The following ATP9B variants were observed in gnomAD, a reference collection of about 807,000 sequenced individuals.
ATP9B encodes probable phospholipid-transporting ATPase IIB.
Under a neutral mutation model 146.1 loss-of-function variants are expected in ATP9B, and 110 were observed. The ratio of observed to expected loss-of-function variants is 0.75; its 90% CI spans 0.65 to 0.88. The LOEUF is 0.88. Among genes scored for constraint, ATP9B ranks in the 40% least tolerant of loss-of-function variants. ATP9B has a pLI of 0.00. For synonymous variants in ATP9B, 604 were observed against 569.7 expected (o/e 1.06, Z -0.86); for missense variants, 1,499 against 1,496.4 (o/e 1.00, Z -0.03).
At chr18:79,330,146 A>G in intron 17 of ATP9B, 42 bp downstream of exon 17, 5 of 1,558,740 alleles carry the variant, frequency 3.2e-6, no homozygotes, top group Non-Finnish European at 4.4e-6. Flanking sequence ...GTTTCTATGG[A>G]AGAGGAGGTA....
intron 5 of ATP9B, among the ~76,000 whole-genome samples, chr18:79,137,320 A>C (rs560876063): frequency 1.3e-5 from 2 of 152,062 alleles, no homozygotes; most frequent in African/African-American, 4.8e-5. Context: ...GCTTCTTTGC[A>C]TGCCTATTAA....
At chr18:79,341,447 G>A (rs113412328) in intron 19 of ATP9B, among the ~76,000 whole-genome samples, 2 of 32,826 alleles carry the variant, frequency 6.1e-5, no homozygotes, top group East Asian at 1.0e-3. Flanking sequence ...TGTGTGTAGC[G>A]TGACCTCGTT....
intron 13 of ATP9B, among the ~76,000 whole-genome samples, chr18:79,290,410 C>A (rs1478631335): frequency 2.0e-5 from 3 of 152,186 alleles, no homozygotes; most frequent in African/African-American, 7.2e-5. Context: ...GGGGTAGGAC[C>A]CTCCGAGCCA....
intron 24 of ATP9B, 83 bp from the exon 25 acceptor site, chr18:79,348,049 A>G (rs2096900520): frequency 6.2e-7 from 1 of 1,601,846 alleles, no homozygotes; most frequent in Non-Finnish European, 8.5e-7. Context: ...TGTGCTTAGG[A>G]GTTAGCGAGG....
At chr18:79,140,213 C>A (rs2094496933) in intron 5 of ATP9B, among the ~76,000 whole-genome samples, 1 of 152,020 alleles carries the variant, frequency 6.6e-6, no homozygotes, top group South Asian at 2.1e-4. Context: ...CAGGGGCCGA[C>A]AGAGATGGAG....
chr18:79,291,443 T>G lies in ATP9B; in HGVS notation c.1412-12161T>G, dbSNP rs566659424. On this transcript the variant is annotated intron_variant, in intron 13 of 29. Transcript: ENST00000426216. ...AAAAATAATTTTGTATTACAGACTCTACATTATCTACTACTGCATAAGAGG... is the reference window on the plus strand; with the variant it reads ...AAAAATAATTTTGTATTACAGACTCGACATTATCTACTACTGCATAAGAGG... Among the ~76,000 whole-genome samples the G allele has an allele frequency of 1.3e-4, 20 of 152,356 alleles. No homozygotes were observed. In the South Asian group the frequency reaches 3.7e-3, roughly 28 times the overall value.
At chr18:79,076,672 C>T (rs2072657723) in intron 1 of ATP9B, among the ~76,000 whole-genome samples, 1 of 152,094 alleles carries the variant, frequency 6.6e-6, no homozygotes, top group African/African-American at 2.4e-5. Context: ...TGCTTAGTAT[C>T]CTAATTCTAT....
intron 11 of ATP9B, among the ~76,000 whole-genome samples, chr18:79,226,573 G>A (rs1010078348): frequency 5.9e-5 from 9 of 152,346 alleles, no homozygotes; most frequent in South Asian, 2.1e-4. Context: ...CATGATAACC[G>A]TTTGCTTAGG....
At chr18:79,162,857 T>C (rs887832170) in intron 7 of ATP9B, among the ~76,000 whole-genome samples, 1 of 152,190 alleles carries the variant, frequency 6.6e-6, no homozygotes, top group Non-Finnish European at 1.5e-5. Context: ...GGTAACTTAT[T>C]ATGCGATATG....
chr18:79,105,107 T>G (rs1206492719), intron 2 of ATP9B, among the ~76,000 whole-genome samples: 1 of 152,224 alleles, frequency 6.6e-6, no homozygotes, highest in East Asian at 1.9e-4. Flanking sequence ...CTGTTCTTAT[T>G]CAGGAGATAC....
At chr18:79,154,449 T>C in intron 6 of ATP9B, 55 bp from the exon 7 acceptor site, 1 of 1,235,838 alleles carries the variant, frequency 8.1e-7, no homozygotes, top group Non-Finnish European at 1.1e-6. Flanking sequence ...AATGGAATTG[T>C]GTTAATTTGT....
intron 1 of ATP9B, among the ~76,000 whole-genome samples, chr18:79,076,356 C>G (rs990071979): frequency 4.6e-5 from 7 of 152,152 alleles, no homozygotes; most frequent in African/African-American, 1.7e-4. Flanking sequence ...AACAAATTCT[C>G]TTTGTTTTCC....
intron 8 of ATP9B, among the ~76,000 whole-genome samples, chr18:79,178,843 T>C (rs996799064): frequency 6.6e-6 from 1 of 152,336 alleles, no homozygotes; most frequent in Non-Finnish European, 1.5e-5. Context: ...TTAATGTCTT[T>C]AGTTTGATAT....
intron 4 of ATP9B, among the ~76,000 whole-genome samples, chr18:79,118,650 T>G (rs2094136355): frequency 6.6e-6 from 1 of 152,054 alleles, no homozygotes; most frequent in Non-Finnish European, 1.5e-5. Flanking sequence ...TCCGTCCGCC[T>G]CAGCCTCCCA....
At chr18:79,352,196 T>A (rs1600284751) in intron 25 of ATP9B, among the ~76,000 whole-genome samples, 1 of 152,170 alleles carries the variant, frequency 6.6e-6, no homozygotes, top group Non-Finnish European at 1.5e-5. Flanking sequence ...CATTCCTGGG[T>A]GTGGGTCTTC....
At chr18:79,144,894 G>C in intron 6 of ATP9B, 1 of 160,486 alleles carries the variant, frequency 6.2e-6, no homozygotes, top group Admixed American at 6.1e-5. Flanking sequence ...AAAGTGAATA[G>C]AAGTAAAAGC....
chr18:79,089,121 A>AG (rs2074099770), intron 1 of ATP9B, among the ~76,000 whole-genome samples: 1 of 152,162 alleles, frequency 6.6e-6, no homozygotes, highest in African/African-American at 2.4e-5. Flanking sequence ...AAGGTTGGGA[A>AG]GGGAGTGAGG....
intron 11 of ATP9B, among the ~76,000 whole-genome samples, chr18:79,252,378 G>C (rs1195356110): frequency 6.6e-6 from 1 of 152,240 alleles, no homozygotes; most frequent in African/African-American, 2.4e-5. Context: ...AGGAATCCTA[G>C]TTGCTGTGCT....
At chr18:79,259,281 A>T (rs1400551678) in intron 12 of ATP9B, among the ~76,000 whole-genome samples, 2 of 152,206 alleles carry the variant, frequency 1.3e-5, no homozygotes, top group Non-Finnish European at 2.9e-5. Context: ...AGAATTCTGT[A>T]TTCATTTAAA....
Sources: allele counts gnomAD v4.1 joint callset (sites outside exome capture counted in the v4.1 genomes callset), GRCh38; gene constraint gnomAD v4.1.1; transcripts MANE v1.5; gene names NCBI Gene and HGNC (gene_info 2026-07-23, HGNC 2026-07-21).